The following MARCHF4 variants were observed in gnomAD, a reference collection of about 807,000 sequenced individuals.
MARCHF4 encodes E3 ubiquitin-protein ligase MARCHF4.
In MARCHF4, 14 loss-of-function variants were observed where a neutral mutation model predicts 43.9. That is an observed-to-expected ratio of 0.32 (90% confidence interval 0.21 to 0.50). The LOEUF (loss-of-function observed/expected upper bound fraction) is 0.50, where lower values mean the gene tolerates loss of function less well. Ranked by LOEUF, MARCHF4 falls within the 20% of genes least tolerant of loss-of-function variation. The pLI is 0.98. For synonymous variants in MARCHF4, 226 were observed against 213.3 expected, an observed-to-expected ratio of 1.06 and a Z score of -0.52; for missense variants, 468 against 536.7, an observed-to-expected ratio of 0.87 and a Z score of 1.27.
intron 1 of MARCHF4, among the ~76,000 whole-genome samples, chr2:216,344,268 A>C (rs375381914): frequency 3.7e-5 from 5 of 134,914 alleles, no homozygotes; most frequent in East Asian, 2.5e-4. Flanking sequence ...AACAAACAAA[A>C]AAACATGTGA....
chr2:216,331,810 T>A lies in MARCHF4; in HGVS notation c.516+37935A>T, dbSNP rs568539751. ...GAAAAAGTTATTAGTGAACTCAGAC[T>A]AAAAGAGAATTTCTAGATCTTTTAG... is the stretch of plus-strand genomic sequence containing the variant. On this transcript the variant is annotated intron_variant, in intron 1 of 3. Coordinates refer to ENST00000273067, the MANE Select transcript of MARCHF4 (RefSeq NM_020814.3). Among the ~76,000 whole-genome samples, 4 of 152,322 alleles carry A rather than the reference T, an allele frequency of 2.6e-5. No individual in the cohort carries two copies. In the South Asian group the frequency reaches 6.2e-4, roughly 24 times the overall value.
intron 1 of MARCHF4, among the ~76,000 whole-genome samples, chr2:216,300,346 ATATG>A (rs200694790): frequency 0.065 from 9,245 of 142,310 alleles, 405 homozygotes; most frequent in South Asian, 0.2. Flanking sequence ...CGATATATAT[ATATG>A]TATATATATA....
At chr2:216,366,865 T>C (rs1409209907) in intron 1 of MARCHF4, among the ~76,000 whole-genome samples, 1 of 152,226 alleles carries the variant, frequency 6.6e-6, no homozygotes, top group Non-Finnish European at 1.5e-5. Context: ...AAATCTCATC[T>C]ATTTTGTTCA....
chr2:216,282,841 C>A (rs1691151249), intron 2 of MARCHF4, among the ~76,000 whole-genome samples: 1 of 152,104 alleles, frequency 6.6e-6, no homozygotes, highest in Admixed American at 6.5e-5. Context: ...TATTCTCTCC[C>A]CTTCTTCTAT....
rs565284136 is a variant in MARCHF4, at chr2:216,316,389, G to A, written c.517-32660C>T. ...CCCTATCTTCCTCCTAGTCCCTCTT[G>A]AACATGTGGGAAAATTGCTGAGGAC... On this transcript the variant is annotated intron_variant, in intron 1 of 3. Transcript: ENST00000273067. Among the ~76,000 whole-genome samples the A allele has an allele frequency of 4.6e-5, 7 of 152,228 alleles. No homozygotes were observed. The East Asian group carries it at 1.2e-3, about 25-fold the overall frequency.
Position 216,259,478 on chromosome 2 carries a change from G to A in MARCHF4, c.1067C>T (p.Ala356Val). The change falls in exon 4 of 4, where the codon GCC becomes GTC. Residue 356 changes from alanine to valine, a missense_variant. Transcript: ENST00000273067. The stretch of plus-strand genomic sequence containing the variant: ...AGCCTGGGCAGGGCCCTGCTCAGGG[G>A]CAGGGGTGCCTGCGGTCTCCTCTTC... Reference protein sequence around the residue: ...SSEEETAGTPAPEQGPAQAAG... With the variant: ...SSEEETAGTPVPEQGPAQAAG... 6.2e-7 allele frequency: 1 copy of A among 1,614,192 alleles called. No homozygotes were observed. The highest frequency in any genetic ancestry group is 8.5e-7 in the Non-Finnish European group (1 of 1,180,022).
intron 1 of MARCHF4, among the ~76,000 whole-genome samples, chr2:216,314,450 A>G (rs1691739639): frequency 6.6e-6 from 1 of 151,606 alleles, no homozygotes; most frequent in African/African-American, 2.4e-5. Flanking sequence ...CAGTCTCCTG[A>G]GTAGCTGGGA....
chr2:216,359,167 C>A (rs2105983542), intron 1 of MARCHF4, among the ~76,000 whole-genome samples: 1 of 152,274 alleles, frequency 6.6e-6, no homozygotes, highest in East Asian at 1.9e-4. Context: ...TTGCAGCTAT[C>A]CCATATAGGA....
intron 1 of MARCHF4, among the ~76,000 whole-genome samples, chr2:216,351,865 G>A (rs1692409015): frequency 1.3e-5 from 2 of 152,208 alleles, no homozygotes; most frequent in Admixed American, 6.5e-5. Context: ...TAATAATGCT[G>A]ATGGCACCTG....
At chr2:216,286,854 C>G (rs1455274521) in intron 1 of MARCHF4, among the ~76,000 whole-genome samples, 1 of 152,174 alleles carries the variant, frequency 6.6e-6, no homozygotes, top group East Asian at 1.9e-4. Flanking sequence ...TGGATTCAAG[C>G]TAAACTTAGG....
chr2:216,278,413 G>C (rs1691065996), intron 2 of MARCHF4, among the ~76,000 whole-genome samples: 1 of 152,088 alleles, frequency 6.6e-6, no homozygotes. Flanking sequence ...TTTTAGTAGA[G>C]ACAGGGTTTC....
intron 1 of MARCHF4, among the ~76,000 whole-genome samples, chr2:216,317,051 C>T (rs998912857): frequency 6.6e-6 from 1 of 152,146 alleles, no homozygotes; most frequent in African/African-American, 2.4e-5. Context: ...ACCTTCTAAC[C>T]TCTTCAGCCC....
chr2:216,329,814 G>T (rs181929077), intron 1 of MARCHF4, among the ~76,000 whole-genome samples: 1 of 151,322 alleles, frequency 6.6e-6, no homozygotes, highest in African/African-American at 2.4e-5. Context: ...GGGCTGGGTT[G>T]AGTGGCTCAC....
At chr2:216,342,263 C>T (rs563091768) in intron 1 of MARCHF4, among the ~76,000 whole-genome samples, 5 of 152,118 alleles carry the variant, frequency 3.3e-5, no homozygotes, top group Non-Finnish European at 7.4e-5. Flanking sequence ...TTCCTCACAA[C>T]GACCCACCAG....
intron 3 of MARCHF4, among the ~76,000 whole-genome samples, chr2:216,272,031 C>A (rs1418765039): frequency 6.8e-6 from 1 of 146,604 alleles, no homozygotes; most frequent in African/African-American, 2.5e-5. Flanking sequence ...GTAATCCCAG[C>A]ATTTTGGGAG....
chr2:216,309,094 T>C (rs1691638948), intron 1 of MARCHF4, among the ~76,000 whole-genome samples: 1 of 152,132 alleles, frequency 6.6e-6, no homozygotes, highest in South Asian at 2.1e-4. Flanking sequence ...CCTATAAGCA[T>C]AAAAACTGGA....
intron 1 of MARCHF4, among the ~76,000 whole-genome samples, chr2:216,328,558 G>A (rs1054302610): frequency 6.6e-6 from 1 of 152,184 alleles, no homozygotes; most frequent in Admixed American, 6.5e-5. Flanking sequence ...TCCAGGGGCC[G>A]TTAGAGCCCT....
In MARCHF4 at chr2:216,369,990, T is replaced by A. The variant is rs1559109933; in HGVS notation, c.271A>T (p.Arg91Trp). 2.6e-6 allele frequency: 4 copies of A among 1,545,518 alleles called. No individual in the cohort carries two copies. Among genetic ancestry groups the A allele is most frequent in the Non-Finnish European group, 3.5e-6 (4 of 1,141,782 alleles). The change falls in exon 1 of 4, where the codon AGG (arginine) becomes TGG (tryptophan). Residue 91 changes from arginine to tryptophan, a missense_variant. Physicochemically the swap from Arg to Trp is moderately radical, Grantham distance 101 (BLOSUM62 -3). Transcript: ENST00000273067. ...ALGAGGWAGW[R>W]GPREVVGREP... is the part of the protein sequence containing the mutation. The stretch of plus-strand genomic sequence containing the variant: ...CTGCCCACCACTTCTCGGGGGCCCC[T>A]CCAGCCTGCCCACCCCCCGGCGCCC...
In MARCHF4 at chr2:216,259,510, G is replaced by C. The variant is rs751878456; in HGVS notation, c.1035C>G (p.Pro345=). 4 of 1,614,212 alleles carry C rather than the reference G, an allele frequency of 2.5e-6. No homozygotes were observed. The Admixed American group carries it at 6.7e-5, about 27-fold the overall frequency. The change falls in exon 4 of 4, where the codon CCC becomes CCG. Residue 345 remains proline (P), a synonymous_variant. Coordinates refer to ENST00000273067, the MANE Select transcript of MARCHF4 (RefSeq NM_020814.3). ...TGCCTGCGGTCTCCTCTTCCGAGGA[G>C]GGGATATTGGCCTGGGTGGATGAGG... The part of the protein sequence containing the change: ...RTSSSTQANI[P]SSEEETAGTP...
Sources: allele counts gnomAD v4.1 joint callset (sites outside exome capture counted in the v4.1 genomes callset), GRCh38; gene constraint gnomAD v4.1.1; transcripts MANE v1.5; gene names NCBI Gene and HGNC (gene_info 2026-07-23, HGNC 2026-07-21).